The following POLA1 variants were observed in gnomAD, a reference collection of about 807,000 sequenced individuals.
POLA1 encodes the protein DNA polymerase alpha 1, catalytic subunit, also known as DNA polymerase alpha catalytic subunit.
POLA1 carries 15 observed loss-of-function variants against 124.0 expected under a neutral mutation model. The observed-to-expected ratio is 0.12, with a 90% CI of 0.08 to 0.19. POLA1 has a LOEUF of 0.19. POLA1 is among the 10% of genes least tolerant of loss of function. The pLI is 1.00. For missense variants in POLA1, 886 were observed against 1,103.4 expected (o/e 0.80, Z 2.79); for synonymous variants, 408 against 389.4 (o/e 1.05, Z -0.56).
chrX:24,760,916 A>G (rs1426542197), intron 26 of POLA1, among the ~76,000 whole-genome samples: 1 of 111,846 alleles, frequency 8.9e-6, no homozygotes, highest in East Asian at 2.8e-4. Context: ...CAGGTTGTGC[A>G]GCTGTCCTTG....
At chrX:24,943,187 G>A (rs2047925818) in intron 36 of POLA1, among the ~76,000 whole-genome samples, 2 of 112,438 alleles carry the variant, frequency 1.8e-5, no homozygotes. Context: ...TTTACATACT[G>A]TGATATATCC....
intron 4 of POLA1, among the ~76,000 whole-genome samples, chrX:24,706,061 G>A (rs1270771293): frequency 9.0e-6 from 1 of 111,708 alleles, no homozygotes; most frequent in African/African-American, 3.3e-5. Context: ...GAGACCATGT[G>A]TATATCCCAT....
chrX:24,863,715 A>G (rs913379698), intron 34 of POLA1, among the ~76,000 whole-genome samples: 3 of 111,206 alleles, frequency 2.7e-5, no homozygotes, highest in Non-Finnish European at 3.8e-5. Flanking sequence ...AATCTTTTGA[A>G]TATTTTGCAT....
intron 36 of POLA1, among the ~76,000 whole-genome samples, chrX:24,977,524 T>G (rs1167760766): frequency 1.8e-5 from 2 of 112,252 alleles, no homozygotes; most frequent in African/African-American, 6.5e-5. Flanking sequence ...TGGTGTGTTT[T>G]GGTCTGGGGC....
At chrX:24,796,156 A>G in intron 26 of POLA1, among the ~76,000 whole-genome samples, 1 of 110,410 alleles carries the variant, frequency 9.1e-6, no homozygotes, top group East Asian at 2.9e-4. Flanking sequence ...GGCTCTTGTG[A>G]CTTGATTGGT....
intron 35 of POLA1, among the ~76,000 whole-genome samples, chrX:24,921,838 A>G (rs1569363596): frequency 9.1e-6 from 1 of 109,521 alleles, no homozygotes; most frequent in Admixed American, 9.6e-5. Context: ...CCAAGGGACC[A>G]GTTATTAAGA....
At chrX:24,802,115 G>C (rs2045724424) in intron 26 of POLA1, among the ~76,000 whole-genome samples, 4 of 109,983 alleles carry the variant, frequency 3.6e-5, no homozygotes, top group Admixed American at 2.9e-4. Context: ...TTCCTTTTAG[G>C]GCCATCAACT....
intron 35 of POLA1, among the ~76,000 whole-genome samples, chrX:24,914,588 T>C: frequency 1.0e-5 from 1 of 100,404 alleles, no homozygotes; most frequent in Admixed American, 1.1e-4. Flanking sequence ...GACATCAGAG[T>C]GTCAGGCCAC....
At chrX:24,965,784 A>C (rs1023834406) in intron 36 of POLA1, among the ~76,000 whole-genome samples, 2 of 112,550 alleles carry the variant, frequency 1.8e-5, no homozygotes, top group African/African-American at 3.2e-5. Flanking sequence ...TCTTAGATTA[A>C]AAAGAGCAAG....
At chrX:24,810,013 A>G in intron 27 of POLA1, 83 bp downstream of exon 27, 1 of 575,972 alleles carries the variant, frequency 1.7e-6, no homozygotes. Context: ...TGTAACCCAA[A>G]CAGACTGGAA....
At chrX:24,905,020 TC>T (rs1750088120) in intron 35 of POLA1, among the ~76,000 whole-genome samples, 1 of 81,858 alleles carries the variant, frequency 1.2e-5, no homozygotes. Flanking sequence ...CAAGACTCTG[TC>T]TCAAAAAAAA....
At chrX:24,951,343 A>AACCCCCCCCCCC (rs2048039914) in intron 36 of POLA1, among the ~76,000 whole-genome samples, 3 of 40,953 alleles carry the variant, frequency 7.3e-5, no homozygotes, top group Non-Finnish European at 1.4e-4. Context: ...ACACCTCCCT[A>AACCCCCCCCCCC]CCCCCCCCCC....
chrX:24,954,213 T>C (rs890485689), intron 36 of POLA1, among the ~76,000 whole-genome samples: 3 of 112,427 alleles, frequency 2.7e-5, no homozygotes, highest in African/African-American at 9.7e-5. Context: ...TATTGTCTCT[T>C]TTGAACTTTT....
intron 36 of POLA1, among the ~76,000 whole-genome samples, chrX:24,936,782 C>T (rs1022600648): frequency 8.1e-5 from 9 of 111,738 alleles, no homozygotes; most frequent in Admixed American, 3.8e-4. Flanking sequence ...CCACCCGCCT[C>T]GGCCTCCCAA....
intron 36 of POLA1, among the ~76,000 whole-genome samples, chrX:24,933,338 A>G (rs1007045390): frequency 1.8e-5 from 2 of 112,083 alleles, no homozygotes; most frequent in African/African-American, 6.5e-5. Context: ...TATAAGTTGG[A>G]GTGAATTCTC....
intron 1 of POLA1, among the ~76,000 whole-genome samples, chrX:24,696,776 A>G (rs1269782926): frequency 8.9e-6 from 1 of 111,832 alleles, no homozygotes; most frequent in African/African-American, 3.3e-5. Flanking sequence ...AGTAAATGGC[A>G]GAGCTGGAAT....
intron 12 of POLA1, among the ~76,000 whole-genome samples, chrX:24,724,879 G>A (rs889878241): frequency 4.5e-5 from 5 of 112,087 alleles, no homozygotes; most frequent in South Asian, 3.7e-4. Flanking sequence ...TCTGGTTCAT[G>A]TGCTAGTTAT....
chrX:24,993,862 C>G (rs2048566178), intron 36 of POLA1, among the ~76,000 whole-genome samples: 1 of 112,171 alleles, frequency 8.9e-6, no homozygotes, highest in Non-Finnish European at 1.9e-5. Flanking sequence ...TCACAGTTGT[C>G]TTTTAGGAGG....
intron 36 of POLA1, among the ~76,000 whole-genome samples, chrX:24,934,636 A>C (rs978589217): frequency 8.9e-6 from 1 of 112,560 alleles, no homozygotes; most frequent in African/African-American, 3.2e-5. Context: ...GCTATAACAA[A>C]GTACCATGGA....
Sources: allele counts gnomAD v4.1 joint callset (sites outside exome capture counted in the v4.1 genomes callset), GRCh38; gene constraint gnomAD v4.1.1; transcripts MANE v1.5; gene names NCBI Gene and HGNC (gene_info 2026-07-23, HGNC 2026-07-21).